Variants in HBS1L observed in about 807,000 individuals in gnomAD.
The protein encoded by HBS1L is HBS1-like protein.
Under a neutral mutation model 88.9 loss-of-function variants are expected in HBS1L, and 55 were observed. The ratio of observed to expected loss-of-function variants is 0.62; its 90% CI spans 0.50 to 0.77. The LOEUF (loss-of-function observed/expected upper bound fraction) is 0.77, where lower values mean the gene tolerates loss of function less well. HBS1L is among the 30% of genes least tolerant of loss of function. HBS1L has a pLI of 0.00. For synonymous variants in HBS1L, 267 were observed against 288.5 expected (o/e 0.93, Z 0.76); for missense variants, 741 against 829.3 (o/e 0.89, Z 1.31).
Position 134,986,738 on chromosome 6 carries a change from T to C in HBS1L, c.1303A>G (p.Lys435Glu). 6.5e-7 allele frequency: 1 copy of C among 1,549,568 alleles called. No individual in the cohort carries two copies. The highest frequency in any genetic ancestry group is 8.7e-7 in the Non-Finnish European group (1 of 1,143,218). Residue 435 changes from lysine (K) to glutamate (E), a missense_variant and splice_region_variant, in exon 10 of 18, where the codon AAG becomes GAG. Coordinates refer to ENST00000367837, the MANE Select transcript of HBS1L (RefSeq NM_006620.4). Reference sequence around the variant, plus strand: ...AAATAAATCTAAAATGATCTTACCTTAAAACCTGCTTGCTTAAGAAAGTGC... The same window carrying C: ...AAATAAATCTAAAATGATCTTACCTCAAAACCTGCTTGCTTAAGAAAGTGC... ...LGHFLKQAGF[K>E]ESDVGFIPTS...
intron 4 of HBS1L, among the ~76,000 whole-genome samples, chr6:135,035,695 G>C (rs1464894809): frequency 2.8e-5 from 4 of 145,172 alleles, no homozygotes; most frequent in African/African-American, 7.7e-5. Context: ...AGCTTGCAGT[G>C]AGCAGAGATC....
intron 3 of HBS1L, among the ~76,000 whole-genome samples, chr6:135,040,341 A>ATTTTTTTT (rs1562314215): frequency 1.9e-5 from 2 of 103,868 alleles, no homozygotes; most frequent in African/African-American, 7.6e-5. Context: ...GAGGATAGGC[A>ATTTTTTTT]TTCTTTTTTT....
chr6:134,997,533 C>G lies in HBS1L; in HGVS notation c.663G>C (p.Thr221=). ...AACTCTGCTCTTCTGATGCTTGAAT[C>G]GTGTGGGGTGGATTAGCAGATTTAG... is the stretch of plus-strand genomic sequence containing the variant. The part of the protein sequence containing the change: ...TASKSANPPH[T]IQASEEQSST... The change falls in exon 6 of 18, where the codon ACG becomes ACC. Residue 221 remains threonine (T), a synonymous_variant. Transcript: ENST00000367837. 2 of 1,613,998 alleles carry G rather than the reference C, an allele frequency of 1.2e-6. No homozygotes were observed. Among genetic ancestry groups the G allele is most frequent in the South Asian group, 1.1e-5 (1 of 91,072 alleles).
At chr6:135,046,404 A>C (rs1230236528) in intron 2 of HBS1L, among the ~76,000 whole-genome samples, 1 of 152,196 alleles carries the variant, frequency 6.6e-6, no homozygotes. Context: ...ATTAGAATGG[A>C]GCAAACAAAG....
rs1383588390 is a variant in HBS1L at position 135,041,360 on chromosome 6, T to G, written c.235+641A>C. Reference sequence around the variant, plus strand: ...AGCTAGCATCAGGGCCTCCTCTTTTTTATTTATTTATTTATTTATACTTAT... The same window carrying G: ...AGCTAGCATCAGGGCCTCCTCTTTTGTATTTATTTATTTATTTATACTTAT... On this transcript the variant is annotated intron_variant, in intron 3 of 17. Coordinates refer to ENST00000367837, the MANE Select transcript of HBS1L (RefSeq NM_006620.4). Among the ~76,000 whole-genome samples the G allele has an allele frequency of 2.0e-5, 3 of 147,732 alleles. No individual in the cohort carries two copies. In the East Asian group the frequency reaches 5.8e-4, roughly 28 times the overall value.
At chr6:135,040,344 C>CCTTTTTTTTTTTTTTTTTT in intron 3 of HBS1L, among the ~76,000 whole-genome samples, 1 of 110,064 alleles carries the variant, frequency 9.1e-6, no homozygotes, top group African/African-American at 3.6e-5. Context: ...GATAGGCATT[C>CCTTTTTTTTTTTTTTTTTT]TTTTTTTTTT....
chr6:135,031,383 A>G (rs939023484), intron 4 of HBS1L, among the ~76,000 whole-genome samples: 17 of 152,154 alleles, frequency 1.1e-4, no homozygotes, highest in Non-Finnish European at 2.4e-4. Flanking sequence ...ACTATAAAAC[A>G]TAACTACTGC....
intron 17 of HBS1L, 86 bp downstream of exon 17, chr6:134,966,243 C>T (rs1774309944): frequency 8.2e-7 from 1 of 1,216,112 alleles, no homozygotes; most frequent in Non-Finnish European, 1.1e-6. Context: ...TTCATTCCCT[C>T]AATGCTTTCT....
chr6:134,961,232 T>G lies in HBS1L; in HGVS notation c.*4047A>C, dbSNP rs1311428656. On this transcript the variant is annotated 3_prime_UTR_variant, in exon 18 of 18. Transcript: ENST00000367837. Reference sequence around the variant, plus strand: ...GTCCCTTTATGGACTATAAGTAACTTAATGCTTTTCTTTCCCTATTTCATA... The same window carrying G: ...GTCCCTTTATGGACTATAAGTAACTGAATGCTTTTCTTTCCCTATTTCATA... 1 of 152,128 alleles carries G rather than the reference T, an allele frequency of 6.6e-6. No homozygotes were observed. Among genetic ancestry groups the G allele is most frequent in the Non-Finnish European group, 1.5e-5 (1 of 68,018 alleles). 9.4% of individuals were successfully genotyped at this position (152,128 alleles called of 1,614,324 possible).
At chr6:134,996,475 G>A (rs1386825176) in intron 7 of HBS1L, among the ~76,000 whole-genome samples, 1 of 152,122 alleles carries the variant, frequency 6.6e-6, no homozygotes, top group African/African-American at 2.4e-5. Flanking sequence ...ACTTAGGGAA[G>A]TGACAACTGA....
At position 134,986,171 on chromosome 6, in the gene HBS1L, C is replaced by G. The variant is rs4435957; in HGVS notation, c.1318G>C (p.Gly440Arg). ...CTGAGACCACTTGTAGGAATAAAAC[C>G]TACATCACTCTCCTATTAAAAAGAT... ...KQAGFKESDV[G>R]FIPTSGLSGE... Residue 440 changes from glycine (G) to arginine (R), a missense_variant, in exon 11 of 18, where the codon GGT becomes CGT. This residue lies in a region of HBS1L where 556 missense variants were observed against 598.4 expected (regional missense o/e 0.93). Transcript: ENST00000367837. The G allele has an allele frequency of 4.1e-4, 615 of 1,507,300 alleles. 4 individuals carry two copies. In the East Asian group the frequency reaches 0.013, roughly 31 times the overall value. 93.4% of individuals were successfully genotyped at this position (1,507,300 alleles called of 1,614,324 possible).
intron 4 of HBS1L, among the ~76,000 whole-genome samples, chr6:135,030,188 T>A (rs1776344435): frequency 1.3e-5 from 2 of 152,120 alleles, no homozygotes; most frequent in South Asian, 4.1e-4. Flanking sequence ...CAAGTGTATA[T>A]ACAACAAACA....
At chr6:134,978,279 C>T (rs1183833507) in intron 15 of HBS1L, among the ~76,000 whole-genome samples, 2 of 151,830 alleles carry the variant, frequency 1.3e-5, no homozygotes, top group Non-Finnish European at 2.9e-5. Flanking sequence ...CTTTTATTAT[C>T]AGAAAAACTG....
intron 4 of HBS1L, among the ~76,000 whole-genome samples, chr6:135,010,595 G>A (rs985957282): frequency 1.3e-5 from 2 of 152,112 alleles, no homozygotes; most frequent in African/African-American, 4.8e-5. Flanking sequence ...TAGATAAATA[G>A]TATCACAAAG....
chr6:134,997,540 G>T lies in HBS1L; in HGVS notation c.656C>A (p.Pro219His), dbSNP rs781280732. The stretch of plus-strand genomic sequence containing the variant: ...CTCTTCTGATGCTTGAATCGTGTGG[G>T]GTGGATTAGCAGATTTAGAAGCAGT... ...LETASKSANP[P>H]HTIQASEEQS... is the part of the protein sequence containing the mutation. The change falls in exon 6 of 18, where the codon CCC becomes CAC. Residue 219 changes from proline (P) to histidine (H), a missense_variant. Physicochemically the swap from Pro to His is moderately conservative, Grantham distance 77. Transcript: ENST00000367837. The T allele has an allele frequency of 4.3e-6, 7 of 1,614,018 alleles. 1 individual carries two copies. The South Asian group carries it at 6.6e-5, about 15-fold the overall frequency.
intron 1 of HBS1L, among the ~76,000 whole-genome samples, chr6:135,053,392 T>C (rs1777147572): frequency 1.3e-5 from 2 of 152,158 alleles, no homozygotes; most frequent in Admixed American, 1.3e-4. Context: ...ACTAACTTAA[T>C]GGTGGTTGAG....
chr6:134,967,891 T>C (rs1278883640), intron 16 of HBS1L, among the ~76,000 whole-genome samples: 1 of 152,194 alleles, frequency 6.6e-6, no homozygotes, highest in Non-Finnish European at 1.5e-5. Flanking sequence ...ATGTTAGTCA[T>C]ATAGTTATAT....
At chr6:134,980,290 T>A (rs1018800705) in intron 13 of HBS1L, among the ~76,000 whole-genome samples, 5 of 152,110 alleles carry the variant, frequency 3.3e-5, no homozygotes, top group East Asian at 1.9e-4. Flanking sequence ...TCTGAGACAA[T>A]CTAGAGTTTC....
chr6:134,989,979 A>G (rs1775085713), intron 8 of HBS1L, among the ~76,000 whole-genome samples: 1 of 152,182 alleles, frequency 6.6e-6, no homozygotes, highest in Admixed American at 6.5e-5. Flanking sequence ...AACCCTAGGG[A>G]GTAAATATAG....
Sources: allele counts gnomAD v4.1 joint callset (sites outside exome capture counted in the v4.1 genomes callset), GRCh38; gene constraint gnomAD v4.1.1; regional missense constraint gnomAD v4.1.1; transcripts MANE v1.5; gene names NCBI Gene and HGNC (gene_info 2026-07-23, HGNC 2026-07-21).